Variants in CCDC187 observed in about 807,000 individuals in gnomAD.
CCDC187 encodes the protein coiled-coil domain-containing protein 187.
CCDC187 carries 32 observed loss-of-function variants against 38.0 expected under a neutral mutation model. That is an observed-to-expected ratio of 0.84 (90% CI 0.64 to 1.13). The LOEUF (loss-of-function observed/expected upper bound fraction) is 1.13, where lower values mean the gene tolerates loss of function less well. Ranked by LOEUF, CCDC187 falls within the 50% of genes most tolerant of loss-of-function variation. CCDC187 has a pLI of 0.00. For missense variants in CCDC187, 707 were observed against 786.8 expected, an observed-to-expected ratio of 0.90 and a Z score of 1.21; for synonymous variants, 333 against 347.9, an observed-to-expected ratio of 0.96 and a Z score of 0.48.
In CCDC187 at chr9:136,250,162, A is replaced by C. The variant is rs989082288; in HGVS notation, c.*3432T>G. The C allele has an allele frequency of 6.3e-6, 1 of 158,724 alleles. No individual in the cohort carries two copies. The highest frequency in any genetic ancestry group is 1.4e-5 in the Non-Finnish European group (1 of 71,528). 9.8% of individuals were successfully genotyped at this position (158,724 alleles called of 1,614,324 possible). ...ATTAAATGCGTTTACACCTCTGCTG[A>C]AGCGGCTTTTTCTCCGGTGCTCAGA... On this transcript the variant is annotated 3_prime_UTR_variant, in exon 26 of 26. Transcript: ENST00000638797.
At chr9:136,278,031 C>A (rs1244117336) in intron 10 of CCDC187, among the ~76,000 whole-genome samples, 1 of 152,132 alleles carries the variant, frequency 6.6e-6, no homozygotes, top group Non-Finnish European at 1.5e-5. Flanking sequence ...GGCCACCTGG[C>A]GTGCACTGAG....
rs538114858 is a variant in CCDC187, at chr9:136,262,201, C to T, written c.4064+110G>A. The T allele has an allele frequency of 2.5e-5, 24 of 942,552 alleles. No homozygotes were observed. In the South Asian group the frequency reaches 3.9e-4, roughly 15 times the overall value. 58.4% of individuals were successfully genotyped at this position (942,552 alleles called of 1,614,324 possible). On this transcript the variant is annotated intron_variant, in intron 19 of 25. Transcript: ENST00000638797. ...ATGCCCAGGGCTACACGTGCCACCC[C>T]GGCCCCTGAGCCAGGCTCGTCCACC...
At chr9:136,293,521 A>ACT (rs2131326438) in intron 4 of CCDC187, among the ~76,000 whole-genome samples, 2 of 83,904 alleles carry the variant, frequency 2.4e-5, no homozygotes, top group Non-Finnish European at 5.1e-5. Flanking sequence ...ACACATGCTC[A>ACT]CATACACGCT....
intron 24 of CCDC187, 46 bp from the exon 25 acceptor site, chr9:136,255,779 T>C (rs913695498): frequency 3.2e-6 from 3 of 943,540 alleles, no homozygotes; most frequent in Non-Finnish European, 3.8e-6. Flanking sequence ...CTGGTCCTCC[T>C]GGCCTCTTCC....
chr9:136,297,902 G>A (rs978572945), intron 3 of CCDC187, 81 bp from the exon 4 acceptor site: 15 of 394,876 alleles, frequency 3.8e-5, no homozygotes, highest in South Asian at 2.7e-4. Flanking sequence ...TGGCTACCCC[G>A]GGGTCCTGTG....
intron 7 of CCDC187, among the ~76,000 whole-genome samples, chr9:136,286,996 G>A (rs987547021): frequency 6.6e-6 from 1 of 152,218 alleles, no homozygotes; most frequent in Non-Finnish European, 1.5e-5. Context: ...ACAACCACGG[G>A]TCTGGCAAGT....
intron 14 of CCDC187, among the ~76,000 whole-genome samples, chr9:136,273,772 T>C (rs1179148257): frequency 6.6e-6 from 1 of 152,194 alleles, no homozygotes; most frequent in Non-Finnish European, 1.5e-5. Context: ...GTCTGGACAT[T>C]ACGAGGTTCA....
chr9:136,254,297 A>C lies in CCDC187; in HGVS notation c.5531T>G (p.Leu1844Arg), dbSNP rs34263479. 0.83 allele frequency: 814,251 copies of C among 984,658 alleles called. 338,001 individuals carry two copies. The highest frequency in any genetic ancestry group is 0.89 in the East Asian group (7,769 of 8,718). 61.0% of individuals were successfully genotyped at this position (984,658 alleles called of 1,614,324 possible). Residue 1844 changes from leucine (L) to arginine (R), a missense_variant, in exon 26 of 26, where the codon CTG becomes CGG. Coordinates refer to ENST00000638797, the MANE Select transcript of CCDC187 (RefSeq NM_001378188.1). ...GCTCTCGCTGGTCCCAGAAGCTTCC[A>C]GCCCCTCCCCAGGCCATGGGGACGG... ...ALPSPWPGEGLEASGTSESLM... is the reference protein window; with the variant it reads ...ALPSPWPGEGREASGTSESLM...
chr9:136,285,494 G>T lies in CCDC187; in HGVS notation c.2927+19C>A. 1 of 138,778 alleles carries T rather than the reference G, an allele frequency of 7.2e-6. No individual in the cohort carries two copies. The highest frequency in any genetic ancestry group is 1.3e-5 in the Non-Finnish European group (1 of 75,390). 8.6% of individuals were successfully genotyped at this position (138,778 alleles called of 1,614,324 possible). A position where few individuals can be genotyped will look rare whatever the true frequency, so the allele number is the denominator to read the frequency against. On this transcript the variant is annotated intron_variant, in intron 9 of 25. Transcript: ENST00000638797. The stretch of plus-strand genomic sequence containing the variant: ...AGGTGGGCAGGTGGGCAGGTGGGCA[G>T]GTGGGCAGGTGGTCTTACCTCCCCG...
chr9:136,278,866 C>A (rs1312388151), intron 10 of CCDC187, among the ~76,000 whole-genome samples: 1 of 152,274 alleles, frequency 6.6e-6, no homozygotes, highest in Non-Finnish European at 1.5e-5. Context: ...GGCTTGACAG[C>A]CACATGTGGC....
Position 136,253,916 on chromosome 9 carries a change from AC to A in CCDC187, c.5911del (p.Val1971SerfsTer14). On this transcript the variant is annotated frameshift_variant, in exon 26 of 26. Transcript: ENST00000638797. LOFTEE classifies it low-confidence loss of function (END_TRUNC). Reference sequence around the variant, plus strand: ...AAGTAGGGGACAGGCTTCCTCCAGGACAGTGGGGGCCCCATTCCCACCAGGC... The same window carrying A: ...AAGTAGGGGACAGGCTTCCTCCAGGAAGTGGGGGCCCCATTCCCACCAGGC... ...PGPGGNGAPTVLEEACPLLAG... is the reference protein window; with the variant it reads ...PGPGGNGAPTXLEEACPLLAG... 1 of 888,528 alleles carries A rather than the reference AC, an allele frequency of 1.1e-6. No homozygotes were observed. The highest frequency in any genetic ancestry group is 1.3e-6 in the Non-Finnish European group (1 of 741,258). 55.0% of individuals were successfully genotyped at this position (888,528 alleles called of 1,614,324 possible). A position where few individuals can be genotyped will look rare whatever the true frequency, so the allele number is the denominator to read the frequency against.
chr9:136,279,708 C>G (rs2131238051), intron 10 of CCDC187, among the ~76,000 whole-genome samples: 1 of 152,352 alleles, frequency 6.6e-6, no homozygotes, highest in East Asian at 1.9e-4. Flanking sequence ...CTGCACCTCC[C>G]TGGGCTGCAC....
intron 7 of CCDC187, 38 bp from the exon 8 acceptor site, chr9:136,286,733 C>T (rs1296823966): frequency 1.8e-5 from 7 of 398,490 alleles, no homozygotes; most frequent in African/African-American, 1.2e-4. Context: ...AGCTCAGGCT[C>T]GGTCGCCCCA....
Position 136,250,474 on chromosome 9 carries a change from C to T in CCDC187, c.*3120G>A, listed in dbSNP as rs1235743519. On this transcript the variant is annotated 3_prime_UTR_variant, in exon 26 of 26. Coordinates refer to ENST00000638797, the MANE Select transcript of CCDC187 (RefSeq NM_001378188.1). ...CAGTGGTGGAGATTTATCGTCATGC[C>T]AGATGCGTGTGTGTGAGATACATAA... The T allele has an allele frequency of 6.1e-6, 2 of 330,318 alleles. No individual in the cohort carries two copies. The highest frequency in any genetic ancestry group is 2.4e-5 in the South Asian group (1 of 41,786). 20.5% of individuals were successfully genotyped at this position (330,318 alleles called of 1,614,324 possible). A position where few individuals can be genotyped will look rare whatever the true frequency, so the allele number is the denominator to read the frequency against.
rs909707381 is a variant in CCDC187, at chr9:136,302,103, G to A, written c.625+709C>T. On this transcript the variant is annotated intron_variant, in intron 2 of 25. Coordinates refer to ENST00000638797, the MANE Select transcript of CCDC187 (RefSeq NM_001378188.1). ...CGGGTGCCTGTAATCCCAGCTACTC[G>A]GGAGGCTGAGGCAGGAGAATCGCTT... 4.1e-4 allele frequency among the ~76,000 whole-genome samples: 62 copies of A among 152,048 alleles called. 2 individuals carry two copies. In the South Asian group the frequency reaches 6.0e-3, roughly 15 times the overall value.
intron 4 of CCDC187, 97 bp from the exon 5 acceptor site, chr9:136,292,392 C>A (rs1418288207): frequency 5.0e-6 from 2 of 397,802 alleles, no homozygotes; most frequent in Non-Finnish European, 8.9e-6. Context: ...CGCCAGGAGG[C>A]CACTTCAACA....
intron 2 of CCDC187, 63 bp downstream of exon 2, chr9:136,302,749 G>A (rs955236181): frequency 1.0e-5 from 4 of 399,106 alleles, no homozygotes; most frequent in Admixed American, 8.8e-5. Context: ...GATCCTGCCC[G>A]CTTTCCACCC....
At chr9:136,282,973 G>A (rs1009425968) in intron 9 of CCDC187, among the ~76,000 whole-genome samples, 15 of 152,220 alleles carry the variant, frequency 9.9e-5, no homozygotes, top group Admixed American at 2.0e-4. Context: ...GTCTGAGGCC[G>A]GGCACAGTGG....
rs907750311 is a variant in CCDC187, at chr9:136,286,177, T to C, written c.2741A>G (p.Tyr914Cys). The C allele has an allele frequency of 3.9e-4, 156 of 398,466 alleles. No homozygotes were observed. The highest frequency in any genetic ancestry group is 1.3e-3 in the Middle Eastern group (2 of 1,588). 24.7% of individuals were successfully genotyped at this position (398,466 alleles called of 1,614,324 possible). A position where few individuals can be genotyped will look rare whatever the true frequency, so the allele number is the denominator to read the frequency against. ...CGACAGTGTCTCGCCGTCCAGGAAGTAGGTCGGGGGCAGAAGGGGCTGGGG... is the reference window on the plus strand; with the variant it reads ...CGACAGTGTCTCGCCGTCCAGGAAGCAGGTCGGGGGCAGAAGGGGCTGGGG... ...MQPQPLLPPT[Y>C]FLDGETLSWG... The change falls in exon 8 of 26, where the codon TAC becomes TGC. Residue 914 changes from tyrosine to cysteine, a missense_variant. Coordinates refer to ENST00000638797, the MANE Select transcript of CCDC187 (RefSeq NM_001378188.1).
Sources: allele counts gnomAD v4.1 joint callset (sites outside exome capture counted in the v4.1 genomes callset), GRCh38; gene constraint gnomAD v4.1.1; transcripts MANE v1.5; gene names NCBI Gene and HGNC (gene_info 2026-07-23, HGNC 2026-07-21).